The following SLCO2A1 variants were observed in gnomAD, a reference collection of about 807,000 sequenced individuals.
SLCO2A1 encodes the protein solute carrier organic anion transporter family member 2A1, also known as matrin F/G 1.
In SLCO2A1, 60 loss-of-function variants were observed where a neutral mutation model predicts 71.7. The observed-to-expected ratio is 0.84, with a 90% confidence interval of 0.68 to 1.04. The LOEUF (loss-of-function observed/expected upper bound fraction) is 1.04. Among genes scored for constraint, SLCO2A1 ranks in the 50% least tolerant of loss-of-function variants. The pLI is 0.00. For missense variants in SLCO2A1, 745 were observed against 813.4 expected, an observed-to-expected ratio of 0.92 and a Z score of 1.02; for synonymous variants, 308 against 326.7, an observed-to-expected ratio of 0.94 and a Z score of 0.62.
chr3:133,984,021 G>A (rs1266407475), intron 1 of SLCO2A1, among the ~76,000 whole-genome samples: 2 of 152,198 alleles, frequency 1.3e-5, no homozygotes, highest in Non-Finnish European at 2.9e-5. Flanking sequence ...AGCATAAGGA[G>A]ATCAAGGACT....
intron 3 of SLCO2A1, among the ~76,000 whole-genome samples, chr3:133,959,620 T>C (rs1433701762): frequency 6.6e-6 from 1 of 151,830 alleles, no homozygotes; most frequent in East Asian, 1.9e-4. Flanking sequence ...AGCCCAGGAG[T>C]TCGAGACCAG....
intron 1 of SLCO2A1, among the ~76,000 whole-genome samples, chr3:134,013,451 C>T (rs897241498): frequency 2.6e-5 from 4 of 152,222 alleles, no homozygotes; most frequent in African/African-American, 9.6e-5. Context: ...CCCTTTGCCC[C>T]CCACCAACAG....
intron 1 of SLCO2A1, among the ~76,000 whole-genome samples, chr3:134,021,673 G>A (rs1292044673): frequency 6.6e-6 from 1 of 151,886 alleles, no homozygotes; most frequent in African/African-American, 2.4e-5. Flanking sequence ...GGCAGTGAAA[G>A]AGAAGAAGAG....
intron 5 of SLCO2A1, among the ~76,000 whole-genome samples, chr3:133,953,389 A>C (rs551214119): frequency 1.3e-5 from 2 of 152,338 alleles, no homozygotes; most frequent in East Asian, 3.9e-4. Flanking sequence ...GCAACACCTG[A>C]GGTCCTGCCC....
At position 133,935,897 on chromosome 3, in the gene SLCO2A1, G is replaced by A. The variant is rs769915308; in HGVS notation, c.1691C>T (p.Ala564Val). ...ATAGAGGGCTGGAGATGGCAGCCAG[G>A]CTGGAAGAGGGTTCAGAAAGCCCTG... ...GVQFLLMRLL[A>V]WLPSPALYGL... Residue 564 changes from alanine to valine, a missense_variant and splice_region_variant, in exon 13 of 14, where the codon GCC (alanine) becomes GTC (valine). Transcript: ENST00000310926. The A allele has an allele frequency of 6.3e-7, 1 of 1,591,670 alleles. No homozygotes were observed.
At chr3:133,936,640 G>T (rs1933277000) in intron 12 of SLCO2A1, among the ~76,000 whole-genome samples, 1 of 152,122 alleles carries the variant, frequency 6.6e-6, no homozygotes, top group South Asian at 2.1e-4. Context: ...GCTTGTCCAG[G>T]ATTTACACCA....
At position 133,980,858 on chromosome 3, in the gene SLCO2A1, C is replaced by T. The variant is rs542617042; in HGVS notation, c.97-1240G>A. Among the ~76,000 whole-genome samples, 144 of 152,298 alleles carry T rather than the reference C, an allele frequency of 9.5e-4. 1 individual carries two copies. The highest frequency in any genetic ancestry group is 3.3e-3 in the African/African-American group (138 of 41,576). ...GCCTCCAGGTCTGGAGAGGTCTTTA[C>T]ACCCACAAAACCAGACACCTCTCCT... is the stretch of plus-strand genomic sequence containing the variant. On this transcript the variant is annotated intron_variant, in intron 1 of 13. Coordinates refer to ENST00000310926, the MANE Select transcript of SLCO2A1 (RefSeq NM_005630.3).
intron 11 of SLCO2A1, among the ~76,000 whole-genome samples, chr3:133,939,935 T>G (rs943878119): frequency 3.3e-5 from 5 of 150,604 alleles, no homozygotes; most frequent in Admixed American, 6.6e-5. Flanking sequence ...CTCATATAAA[T>G]AATGCTTGGG....
chr3:133,949,215 T>C (rs1278104130), intron 6 of SLCO2A1: 2 of 535,466 alleles, frequency 3.7e-6, no homozygotes, highest in African/African-American at 1.9e-5. Flanking sequence ...CCACGATACC[T>C]GTGGGCATAT....
Position 133,955,206 on chromosome 3 carries a change from T to C in SLCO2A1, c.398-13A>G. The C allele has an allele frequency of 6.2e-7, 1 of 1,605,646 alleles. No individual in the cohort carries two copies. The highest frequency in any genetic ancestry group is 8.5e-7 in the Non-Finnish European group (1 of 1,175,434). On this transcript the variant is annotated splice_polypyrimidine_tract_variant and intron_variant, in intron 3 of 13. Coordinates refer to ENST00000310926, the MANE Select transcript of SLCO2A1 (RefSeq NM_005630.3). ...CGGCTGTTGTTCCCTGCAACGAGAG[T>C]GCTTGCTGGTCTCCACCACCCTGGT...
intron 1 of SLCO2A1, among the ~76,000 whole-genome samples, chr3:133,988,843 CAG>C (rs1299256463): frequency 1.3e-5 from 2 of 152,212 alleles, no homozygotes; most frequent in African/African-American, 4.8e-5. Context: ...GACAGGAGAA[CAG>C]AGTCTGGAGA....
chr3:133,933,101 C>A lies in SLCO2A1; in HGVS notation c.*1612G>T, dbSNP rs1933180698. The A allele has an allele frequency of 6.6e-6, 1 of 152,222 alleles. No homozygotes were observed. The highest frequency in any genetic ancestry group is 2.4e-5 in the African/African-American group (1 of 41,412). 9.4% of individuals were successfully genotyped at this position (152,222 alleles called of 1,614,324 possible). A position where few individuals can be genotyped will look rare whatever the true frequency, so the allele number is the denominator to read the frequency against. ...ATGAGGCTTTTCCAGAGGTGGCTTC[C>A]AGTATGCTTCTGGAGGGGGTCTTCC... On this transcript the variant is annotated 3_prime_UTR_variant, in exon 14 of 14. Coordinates refer to ENST00000310926, the MANE Select transcript of SLCO2A1 (RefSeq NM_005630.3).
At chr3:133,948,752 C>T (rs755377924) in intron 7 of SLCO2A1, 52 bp from the exon 8 acceptor site, 25 of 1,600,582 alleles carry the variant, frequency 1.6e-5, no homozygotes, top group South Asian at 1.0e-4. Context: ...GCTGCAGGCA[C>T]ACCTAGGGGA....
At position 133,952,566 on chromosome 3, in the gene SLCO2A1, G is replaced by A. The variant is rs535489262; in HGVS notation, c.724+1097C>T. 3.1e-3 allele frequency among the ~76,000 whole-genome samples: 475 copies of A among 152,358 alleles called. 4 individuals carry two copies. Among genetic ancestry groups the A allele is most frequent in the South Asian group, 5.8e-3 (28 of 4,828 alleles). ...CCCATCTTGTGGGAGACTGGGTAGT[G>A]TGGGACACACTCTCAAAGGCAGGAA... On this transcript the variant is annotated intron_variant, in intron 5 of 13. Coordinates refer to ENST00000310926, the MANE Select transcript of SLCO2A1 (RefSeq NM_005630.3).
intron 1 of SLCO2A1, among the ~76,000 whole-genome samples, chr3:133,990,042 G>A (rs1934805538): frequency 6.6e-6 from 1 of 152,232 alleles, no homozygotes. Context: ...GGGGTAAAGG[G>A]CTGTTCTATC....
At chr3:134,008,274 G>A (rs1349227039) in intron 1 of SLCO2A1, among the ~76,000 whole-genome samples, 1 of 152,046 alleles carries the variant, frequency 6.6e-6, no homozygotes, top group Non-Finnish European at 1.5e-5. Context: ...GTATTTATTT[G>A]TGCTCTGTCC....
At chr3:133,948,209 A>G (rs910948965) in intron 8 of SLCO2A1, among the ~76,000 whole-genome samples, 1 of 152,170 alleles carries the variant, frequency 6.6e-6, no homozygotes, top group Non-Finnish European at 1.5e-5. Context: ...TCTAACCTCA[A>G]ATTCAACCTT....
In SLCO2A1 at chr3:133,953,658, C is replaced by T. The variant is rs546269238; in HGVS notation, c.724+5G>A. Reference sequence around the variant, plus strand: ...TGGGAATGGGTGTCCTCTGCACATACTCACCTGTGTTGACCCTGCCATAGT... The same window carrying T: ...TGGGAATGGGTGTCCTCTGCACATATTCACCTGTGTTGACCCTGCCATAGT... On this transcript the variant is annotated splice_donor_5th_base_variant and intron_variant, in intron 5 of 13. Transcript: ENST00000310926. The T allele has an allele frequency of 1.9e-6, 3 of 1,612,716 alleles. No individual in the cohort carries two copies. The Admixed American group carries it at 5.0e-5, about 27-fold the overall frequency.
chr3:133,963,450 C>T (rs1264541507), intron 3 of SLCO2A1, among the ~76,000 whole-genome samples: 1 of 152,184 alleles, frequency 6.6e-6, no homozygotes, highest in African/African-American at 2.4e-5. Flanking sequence ...CTAGAACGAC[C>T]AAGCAACAAG....
Sources: allele counts gnomAD v4.1 joint callset (sites outside exome capture counted in the v4.1 genomes callset), GRCh38; gene constraint gnomAD v4.1.1; transcripts MANE v1.5; gene names NCBI Gene and HGNC (gene_info 2026-07-23, HGNC 2026-07-21).